The following MALRD1 variants were observed in gnomAD, a reference collection of about 807,000 sequenced individuals.
MALRD1 encodes MAM and LDL-receptor class A domain-containing protein 1.
Under a neutral mutation model 242.1 loss-of-function variants are expected in MALRD1, and 247 were observed. That is an observed-to-expected ratio of 1.02 (90% confidence interval 0.92 to 1.13). The LOEUF (loss-of-function observed/expected upper bound fraction) is 1.13. Ranked by LOEUF, MALRD1 falls within the 50% of genes most tolerant of loss-of-function variation. The pLI is 0.00. For synonymous variants in MALRD1, 995 were observed against 866.6 expected, an observed-to-expected ratio of 1.15 and a Z score of -2.60; for missense variants, 2,989 against 2,533.1, an observed-to-expected ratio of 1.18 and a Z score of -3.86.
intron 2 of MALRD1, among the ~76,000 whole-genome samples, chr10:19,073,015 A>G (rs1365030245): frequency 6.6e-6 from 1 of 151,854 alleles, no homozygotes; most frequent in African/African-American, 2.4e-5. Context: ...CCTGGATTCA[A>G]GCAATTCTCC....
chr10:19,491,070 C>T, intron 29 of MALRD1: 1 of 208,756 alleles, frequency 4.8e-6, no homozygotes, highest in Non-Finnish European at 1.0e-5. Context: ...AATTTTCAGT[C>T]AAGACAGGAA....
intron 5 of MALRD1, among the ~76,000 whole-genome samples, chr10:19,121,390 T>A (rs1428911343): frequency 6.6e-6 from 1 of 152,158 alleles, no homozygotes; most frequent in Non-Finnish European, 1.5e-5. Flanking sequence ...TGATATGTTT[T>A]GTGAAGTTTA....
intron 28 of MALRD1, among the ~76,000 whole-genome samples, chr10:19,408,506 A>G (rs1352892201): frequency 6.6e-6 from 1 of 152,200 alleles, no homozygotes; most frequent in Admixed American, 6.5e-5. Context: ...ATGAATAGAT[A>G]AACTCCATTA....
At chr10:19,107,873 C>T (rs1274486308) in intron 5 of MALRD1, among the ~76,000 whole-genome samples, 1 of 151,880 alleles carries the variant, frequency 6.6e-6, no homozygotes, top group Non-Finnish European at 1.5e-5. Context: ...AAACTGATAA[C>T]AACTTAAATT....
At chr10:19,432,341 A>G (rs1269344770) in intron 28 of MALRD1, among the ~76,000 whole-genome samples, 1 of 152,168 alleles carries the variant, frequency 6.6e-6, no homozygotes, top group Non-Finnish European at 1.5e-5. Flanking sequence ...TGAAATGTTT[A>G]TTTTACATTT....
At chr10:19,216,882 C>T (rs556579607) in intron 18 of MALRD1, among the ~76,000 whole-genome samples, 1 of 150,858 alleles carries the variant, frequency 6.6e-6, no homozygotes, top group Non-Finnish European at 1.5e-5. Flanking sequence ...GGAGGCAGAG[C>T]TTGCAGTGAG....
chr10:19,149,266 C>T (rs1192980266), intron 11 of MALRD1, among the ~76,000 whole-genome samples: 1 of 152,080 alleles, frequency 6.6e-6, no homozygotes, highest in Non-Finnish European at 1.5e-5. Context: ...CAGGTGCACA[C>T]CACCACGCCC....
In MALRD1 at chr10:19,084,381, C is replaced by G. The variant is rs140261210; in HGVS notation, c.341-3459C>G. Among the ~76,000 whole-genome samples the G allele has an allele frequency of 7.2e-5, 11 of 151,898 alleles. No individual in the cohort carries two copies. The East Asian group carries it at 1.7e-3, about 24-fold the overall frequency. ...TGACATGTTAACATTTGCTTCAAGC[C>G]TTGGATCTTGTTTTGATGATCCATT... On this transcript the variant is annotated intron_variant, in intron 2 of 39. Coordinates refer to ENST00000454679, the MANE Select transcript of MALRD1 (RefSeq NM_001142308.3).
At chr10:19,481,654 T>C (rs1246504823) in intron 29 of MALRD1, among the ~76,000 whole-genome samples, 1 of 152,140 alleles carries the variant, frequency 6.6e-6, no homozygotes, top group Non-Finnish European at 1.5e-5. Flanking sequence ...TTATTTGTAA[T>C]AGGTTGCCAA....
intron 29 of MALRD1, among the ~76,000 whole-genome samples, chr10:19,483,717 G>T (rs1453181427): frequency 1.2e-4 from 18 of 152,108 alleles, no homozygotes; most frequent in Admixed American, 1.2e-3. Flanking sequence ...AAAGCAGTTT[G>T]GAGATTTCTC....
intron 1 of MALRD1, among the ~76,000 whole-genome samples, chr10:19,053,385 C>T (rs541352502): frequency 2.6e-4 from 39 of 152,246 alleles, no homozygotes; most frequent in Non-Finnish European, 5.4e-4. Context: ...AACTTGAATC[C>T]GGTGCATGCC....
intron 10 of MALRD1, among the ~76,000 whole-genome samples, chr10:19,142,679 A>C (rs551166609): frequency 1.3e-5 from 2 of 152,330 alleles, no homozygotes; most frequent in African/African-American, 2.4e-5. Flanking sequence ...CTAAGTAATC[A>C]AAATCATTGT....
chr10:19,613,724 C>T (rs976913609), intron 35 of MALRD1, among the ~76,000 whole-genome samples: 1 of 152,062 alleles, frequency 6.6e-6, no homozygotes, highest in Non-Finnish European at 1.5e-5. Context: ...CCTGCTGGGC[C>T]GATGTAACCC....
chr10:19,221,079 C>T (rs1247431136), intron 18 of MALRD1, among the ~76,000 whole-genome samples: 1 of 151,994 alleles, frequency 6.6e-6, no homozygotes, highest in Non-Finnish European at 1.5e-5. Context: ...GATATTTTTC[C>T]CCCAGGAGGA....
rs138214483 is a variant in MALRD1 at position 19,569,954 on chromosome 10, G to T, written c.5680+2251G>T. Among the ~76,000 whole-genome samples the T allele has an allele frequency of 1.3e-4, 19 of 151,632 alleles. 1 individual carries two copies. Among genetic ancestry groups the T allele is most frequent in the Non-Finnish European group, 2.7e-4 (18 of 67,800 alleles). ...TCTAACATAGGGCCTAGGAAATGTA[G>T]CCTAAGAAATTACTGTTTTTCAAAA... On this transcript the variant is annotated intron_variant, in intron 33 of 39. Coordinates refer to ENST00000454679, the MANE Select transcript of MALRD1 (RefSeq NM_001142308.3).
intron 24 of MALRD1, among the ~76,000 whole-genome samples, chr10:19,333,087 G>A (rs1843457375): frequency 2.0e-5 from 3 of 151,614 alleles, no homozygotes; most frequent in Admixed American, 1.3e-4. Flanking sequence ...TAGAACTCAA[G>A]TATTTTGATT....
At chr10:19,472,341 G>A (rs897918972) in intron 29 of MALRD1, among the ~76,000 whole-genome samples, 1 of 151,986 alleles carries the variant, frequency 6.6e-6, no homozygotes, top group Non-Finnish European at 1.5e-5. Context: ...TGTTTATCAG[G>A]AATATTTGCC....
rs111348487 is a variant in MALRD1 at position 19,166,821 on chromosome 10, T to C, written c.1830+1011T>C. ...TGGATGACATTTGAAAAGAGCTATT[T>C]TGGAAACTAGATTGGATGGAGTGGA... On this transcript the variant is annotated intron_variant, in intron 13 of 39. Coordinates refer to ENST00000454679, the MANE Select transcript of MALRD1 (RefSeq NM_001142308.3). 2.8e-3 allele frequency among the ~76,000 whole-genome samples: 432 copies of C among 152,294 alleles called. 1 individual carries two copies. The highest frequency in any genetic ancestry group is 9.9e-3 in the African/African-American group (413 of 41,572).
At chr10:19,050,053 T>G (rs1275572527) in intron 1 of MALRD1, among the ~76,000 whole-genome samples, 1 of 151,872 alleles carries the variant, frequency 6.6e-6, no homozygotes, top group Non-Finnish European at 1.5e-5. Flanking sequence ...ATTCTATTAT[T>G]GTAGGTCACT....
Sources: gnomAD v4.1 joint callset for allele counts (sites outside exome capture counted in the v4.1 genomes callset) on GRCh38, gnomAD v4.1.1 for gene constraint, MANE v1.5 for transcripts, NCBI Gene and HGNC (gene_info 2026-07-23, HGNC 2026-07-21) for gene names.